Variants in SFMBT2 observed in about 807,000 individuals in gnomAD.
SFMBT2 encodes scm-like with four MBT domains protein 2.
In SFMBT2, 38 loss-of-function variants were observed where a neutral mutation model predicts 110.1. That is an observed-to-expected ratio of 0.35 (90% CI 0.27 to 0.45). SFMBT2 has a LOEUF of 0.45. SFMBT2 is among the 20% of genes least tolerant of loss of function. SFMBT2 has a pLI of 1.00. For missense variants in SFMBT2, 1,011 were observed against 1,094.9 expected (o/e 0.92, Z 1.08); for synonymous variants, 425 against 425.4 (o/e 1.00, Z 0.01).
intron 7 of SFMBT2, among the ~76,000 whole-genome samples, chr10:7,260,543 G>C (rs1389537829): frequency 6.6e-6 from 1 of 152,146 alleles, no homozygotes; most frequent in South Asian, 2.1e-4. Flanking sequence ...TCAAAGCAAG[G>C]AAACCTATTC....
Position 7,202,526 on chromosome 10 carries a change from T to C in SFMBT2, c.1445-4A>G, listed in dbSNP as rs776179896. On this transcript the variant is annotated splice_region_variant and splice_polypyrimidine_tract_variant and intron_variant, in intron 12 of 20. Transcript: ENST00000397167. ...GCAATCTTTCTCTTCTTTTGTGCTG[T>C]AGAAAAGGCAAAACGGAAAAAGAAA... The C allele has an allele frequency of 3.1e-6, 5 of 1,614,084 alleles. No individual in the cohort carries two copies. The South Asian group carries it at 4.4e-5, about 14-fold the overall frequency.
Position 7,285,971 on chromosome 10 carries a change from G to A in SFMBT2, c.437-17C>T, listed in dbSNP as rs200555852. 420 of 863,690 alleles carry A rather than the reference G, an allele frequency of 4.9e-4. 1 individual carries two copies. The African/African-American group carries it at 5.3e-3, about 11-fold the overall frequency. The allele number at this position is 863,690 out of a possible 1,614,324, so 53.5% of individuals were successfully genotyped here. Reference sequence around the variant, plus strand: ...CTTTGATTGCTGGCAAGACAAAGGAGAAAGAAAAACAAAACAAAACAAAAA... The same window carrying A: ...CTTTGATTGCTGGCAAGACAAAGGAAAAAGAAAAACAAAACAAAACAAAAA... On this transcript the variant is annotated splice_polypyrimidine_tract_variant and intron_variant, in intron 4 of 20. Coordinates refer to ENST00000397167, the MANE Select transcript of SFMBT2 (RefSeq NM_001387889.1).
intron 16 of SFMBT2, among the ~76,000 whole-genome samples, chr10:7,181,952 TTGATCCTTACA>T (rs1838256315): frequency 6.6e-6 from 1 of 152,232 alleles, no homozygotes; most frequent in South Asian, 2.1e-4. Context: ...ATTTGATCAC[TTGATCCTTACA>T]TGATCTTCCC....
At chr10:7,330,674 C>T (rs1843537634) in intron 4 of SFMBT2, among the ~76,000 whole-genome samples, 1 of 152,160 alleles carries the variant, frequency 6.6e-6, no homozygotes, top group Admixed American at 6.5e-5. Context: ...TCTCTCTCTG[C>T]TCCTCTCTTC....
chr10:7,278,994 G>A (rs894786659), intron 6 of SFMBT2, among the ~76,000 whole-genome samples: 10 of 151,908 alleles, frequency 6.6e-5, no homozygotes, highest in African/African-American at 1.9e-4. Flanking sequence ...CCAGCTACTC[G>A]GGAGGCTGAG....
At chr10:7,240,099 T>A (rs1194429278) in intron 9 of SFMBT2, among the ~76,000 whole-genome samples, 1 of 152,114 alleles carries the variant, frequency 6.6e-6, no homozygotes, top group Non-Finnish European at 1.5e-5. Flanking sequence ...GAAAAAAAGA[T>A]AAAAATGGTA....
At chr10:7,280,842 C>T (rs1467066820) in intron 6 of SFMBT2, among the ~76,000 whole-genome samples, 1 of 152,198 alleles carries the variant, frequency 6.6e-6, no homozygotes, top group Non-Finnish European at 1.5e-5. Flanking sequence ...AGTATAAAAT[C>T]TAGTTCCTTT....
At chr10:7,213,886 A>G (rs1043896961) in intron 11 of SFMBT2, among the ~76,000 whole-genome samples, 10 of 152,228 alleles carry the variant, frequency 6.6e-5, no homozygotes, top group Non-Finnish European at 1.2e-4. Context: ...GAGAAAGACG[A>G]GGCCACGCTG....
At chr10:7,304,385 G>A (rs1842636905) in intron 4 of SFMBT2, among the ~76,000 whole-genome samples, 1 of 149,066 alleles carries the variant, frequency 6.7e-6, no homozygotes, top group Admixed American at 6.6e-5. Context: ...ATGTGGAACT[G>A]TGAGTCCATT....
intron 4 of SFMBT2, among the ~76,000 whole-genome samples, chr10:7,295,666 C>T (rs756246037): frequency 3.3e-5 from 5 of 152,166 alleles, no homozygotes; most frequent in Non-Finnish European, 7.3e-5. Context: ...TTTGTAACTG[C>T]TTACATAAGT....
chr10:7,212,433 C>A (rs1457670074), intron 11 of SFMBT2, among the ~76,000 whole-genome samples: 1 of 152,206 alleles, frequency 6.6e-6, no homozygotes, highest in Non-Finnish European at 1.5e-5. Context: ...CGGAGAGGAA[C>A]AGAGCCCTGT....
chr10:7,385,055 C>T (rs1257511263), intron 1 of SFMBT2, among the ~76,000 whole-genome samples: 2 of 152,222 alleles, frequency 1.3e-5, no homozygotes, highest in East Asian at 3.8e-4. Context: ...GCAGGACCCC[C>T]AGTTCACCTG....
chr10:7,352,495 T>C (rs1254762620), intron 4 of SFMBT2, among the ~76,000 whole-genome samples: 1 of 152,128 alleles, frequency 6.6e-6, no homozygotes, highest in Admixed American at 6.5e-5. Context: ...GTTAATTTTT[T>C]TTTTCTTAGA....
intron 16 of SFMBT2, among the ~76,000 whole-genome samples, chr10:7,179,876 T>A (rs1838194129): frequency 6.6e-6 from 1 of 152,234 alleles, no homozygotes; most frequent in African/African-American, 2.4e-5. Context: ...GAAAAGCCCA[T>A]CTAAAGGTAT....
chr10:7,303,026 G>A (rs867103019), intron 4 of SFMBT2, among the ~76,000 whole-genome samples: 3 of 148,954 alleles, frequency 2.0e-5, no homozygotes, highest in East Asian at 2.0e-4. Context: ...AAAAAAAAAT[G>A]CTGCACCTGT....
intron 4 of SFMBT2, among the ~76,000 whole-genome samples, chr10:7,327,077 C>G (rs543827880): frequency 2.0e-5 from 3 of 150,538 alleles, no homozygotes; most frequent in African/African-American, 7.3e-5. Context: ...CCCAGTGCTT[C>G]CCTTCATGTC....
At chr10:7,394,314 G>A (rs534224159) in intron 1 of SFMBT2, among the ~76,000 whole-genome samples, 9 of 151,936 alleles carry the variant, frequency 5.9e-5, no homozygotes, top group African/African-American at 9.7e-5. Context: ...AGGCCTGTGC[G>A]TCGATGCCCA....
chr10:7,378,154 GGA>G (rs1845306107), intron 2 of SFMBT2, among the ~76,000 whole-genome samples: 1 of 146,548 alleles, frequency 6.8e-6, no homozygotes. Context: ...ATGGATGGGT[GGA>G]TGGATGGGTG....
At chr10:7,295,255 C>T (rs1056446342) in intron 4 of SFMBT2, 4 of 152,246 alleles carry the variant, frequency 2.6e-5, no homozygotes, top group Admixed American at 6.5e-5. Flanking sequence ...AGAAATACGA[C>T]GAACGCTCCA....
Sources: gnomAD v4.1 joint callset for allele counts (sites outside exome capture counted in the v4.1 genomes callset) on GRCh38, gnomAD v4.1.1 for gene constraint, MANE v1.5 for transcripts, NCBI Gene and HGNC (gene_info 2026-07-23, HGNC 2026-07-21) for gene names.